Variants in TP53BP1 observed in about 807,000 individuals in gnomAD.
TP53BP1 encodes tumor protein p53 binding protein 1, also known as TP53-binding protein 1.
A neutral mutation model predicts 200.8 loss-of-function variants in TP53BP1; 61 were observed. The ratio of observed to expected loss-of-function variants is 0.30; its 90% confidence interval spans 0.25 to 0.38. The LOEUF (loss-of-function observed/expected upper bound fraction) is 0.38. Among genes scored for constraint, TP53BP1 ranks in the 10% least tolerant of loss-of-function variants. The pLI, the probability that TP53BP1 is intolerant of heterozygous loss-of-function variation, is 1.00. For missense variants in TP53BP1, 2,144 were observed against 2,371.9 expected (o/e 0.90, Z 2.00); for synonymous variants, 822 against 844.3 (o/e 0.97, Z 0.46).
intron 21 of TP53BP1, 59 bp downstream of exon 21, chr15:43,420,246 C>T (rs918497005): frequency 6.8e-7 from 1 of 1,472,356 alleles, no homozygotes; most frequent in African/African-American, 1.4e-5. Context: ...ACTAACATAA[C>T]AGAGTATTAT....
chr15:43,411,187 C>G (rs116316094), intron 24 of TP53BP1, among the ~76,000 whole-genome samples: 1 of 152,168 alleles, frequency 6.6e-6, no homozygotes, highest in Non-Finnish European at 1.5e-5. Context: ...ATTACCCTGT[C>G]TAGGCAGTGT....
chr15:43,444,904 C>A (rs996860126), intron 14 of TP53BP1, among the ~76,000 whole-genome samples: 1 of 152,094 alleles, frequency 6.6e-6, no homozygotes, highest in Admixed American at 6.6e-5. Context: ...CTTCCTTAAC[C>A]CATTTATGCT....
chr15:43,457,134 C>A lies in TP53BP1; in HGVS notation c.1474G>T (p.Val492Phe). Reference sequence around the variant, plus strand: ...ATCTCTGAAGTTTTAGAACACTCAACTGTCAAAGATGAACTATGCATATCT... The same window carrying A: ...ATCTCTGAAGTTTTAGAACACTCAAATGTCAAAGATGAACTATGCATATCT... Reference protein sequence around the residue: ...DGDMHSSSLTVECSKTSEIEP... With the variant: ...DGDMHSSSLTFECSKTSEIEP... The change falls in exon 12 of 28, where the codon GTT (valine) becomes TTT (phenylalanine). Residue 492 changes from valine (V) to phenylalanine (F), a missense_variant. Transcript: ENST00000382044. 6.2e-7 allele frequency: 1 copy of A among 1,614,080 alleles called. No homozygotes were observed. Among genetic ancestry groups the A allele is most frequent in the Non-Finnish European group, 8.5e-7 (1 of 1,179,942 alleles).
chr15:43,410,774 CGTT>C (rs1365297926), intron 24 of TP53BP1, among the ~76,000 whole-genome samples: 4 of 152,156 alleles, frequency 2.6e-5, no homozygotes, highest in Non-Finnish European at 5.9e-5. Flanking sequence ...TCAGTGCCCT[CGTT>C]GTCTGCTGGA....
Position 43,426,315 on chromosome 15 carries a change from C to G in TP53BP1, c.3828+1701G>C, listed in dbSNP as rs576955043. Among the ~76,000 whole-genome samples the G allele has an allele frequency of 1.5e-4, 22 of 151,100 alleles. No individual in the cohort carries two copies. The South Asian group carries it at 4.0e-3, about 27-fold the overall frequency. On this transcript the variant is annotated intron_variant, in intron 18 of 27. Coordinates refer to ENST00000382044, the MANE Select transcript of TP53BP1 (RefSeq NM_001141980.3). ...ATTAGCTGGGCATGGTGGCACACAC[C>G]TATAATCCCAGCTACTCAGGAGGCT...
chr15:43,446,937 T>G (rs1392898434), intron 13 of TP53BP1: 1 of 607,122 alleles, frequency 1.6e-6, no homozygotes, highest in Non-Finnish European at 2.9e-6. Context: ...AATAGGTTAA[T>G]GTAGAAGACT....
chr15:43,416,170 C>T, intron 22 of TP53BP1, 55 bp downstream of exon 22: 1 of 1,483,328 alleles, frequency 6.7e-7, no homozygotes. Context: ...AATCTCCTCC[C>T]ACTGTAAGCA....
chr15:43,506,811 T>G (rs143136876), intron 1 of TP53BP1, among the ~76,000 whole-genome samples: 1 of 152,188 alleles, frequency 6.6e-6, no homozygotes, highest in Non-Finnish European at 1.5e-5. Context: ...AGGAGAATAG[T>G]GTCTGGAGAC....
In TP53BP1 at chr15:43,410,310, G is replaced by T. The variant is rs45596532; in HGVS notation, c.5306-569C>A. ...TGGTTTTAAAATTTTAACTGATTAAGTGAAGGTTAGAAAATCCTGTTTCAA... is the reference window on the plus strand; with the variant it reads ...TGGTTTTAAAATTTTAACTGATTAATTGAAGGTTAGAAAATCCTGTTTCAA... On this transcript the variant is annotated intron_variant, in intron 24 of 27. Coordinates refer to ENST00000382044, the MANE Select transcript of TP53BP1 (RefSeq NM_001141980.3). 3.3e-5 allele frequency among the ~76,000 whole-genome samples: 5 copies of T among 152,264 alleles called. No homozygotes were observed. The East Asian group carries it at 9.6e-4, about 29-fold the overall frequency.
At chr15:43,450,610 T>C (rs904926696) in intron 12 of TP53BP1, among the ~76,000 whole-genome samples, 1 of 152,236 alleles carries the variant, frequency 6.6e-6, no homozygotes, top group African/African-American at 2.4e-5. Context: ...ATTTGTTCTG[T>C]GTTGAACAAG....
chr15:43,478,179 G>C (rs891236794), intron 7 of TP53BP1, among the ~76,000 whole-genome samples: 20 of 152,126 alleles, frequency 1.3e-4, no homozygotes, highest in Non-Finnish European at 1.9e-4. Flanking sequence ...CTCCTTACTA[G>C]TGCCACACAC....
intron 21 of TP53BP1, among the ~76,000 whole-genome samples, chr15:43,418,970 A>C (rs1173026060): frequency 6.6e-6 from 1 of 152,222 alleles, no homozygotes; most frequent in African/African-American, 2.4e-5. Flanking sequence ...CTGCAAACCC[A>C]GCATTTTGGG....
intron 16 of TP53BP1, among the ~76,000 whole-genome samples, chr15:43,437,376 T>G (rs927732818): frequency 6.6e-6 from 1 of 152,176 alleles, no homozygotes; most frequent in East Asian, 1.9e-4. Context: ...CTCACACTTG[T>G]ATTCCTAACA....
intron 4 of TP53BP1, among the ~76,000 whole-genome samples, chr15:43,488,340 G>A (rs2079074394): frequency 6.6e-6 from 1 of 151,668 alleles, no homozygotes; most frequent in Non-Finnish European, 1.5e-5. Flanking sequence ...CAGACTGTAT[G>A]ATCCCATTTT....
chr15:43,493,322 C>T (rs777338600), upstream of TP53BP1, among the ~76,000 whole-genome samples: 6 of 152,178 alleles, frequency 3.9e-5, no homozygotes, highest in Admixed American at 6.5e-5. Flanking sequence ...GTTGCAGGCC[C>T]TCCCCTTTAG....
intron 1 of TP53BP1, among the ~76,000 whole-genome samples, chr15:43,507,446 T>C (rs2079243368): frequency 6.6e-6 from 1 of 152,204 alleles, no homozygotes; most frequent in Admixed American, 6.5e-5. Flanking sequence ...GTCCAATTCT[T>C]TGTTCAATAT....
intron 4 of TP53BP1, among the ~76,000 whole-genome samples, chr15:43,490,925 C>A (rs957034784): frequency 3.3e-5 from 5 of 151,678 alleles, no homozygotes; most frequent in African/African-American, 9.7e-5. Flanking sequence ...AGCATGAACT[C>A]AAAAAATGGG....
In TP53BP1 at chr15:43,405,309, T is replaced by G. The variant is rs2044832817; in HGVS notation, c.*2074A>C. 1 of 1,439,830 alleles carries G rather than the reference T, an allele frequency of 6.9e-7. No individual in the cohort carries two copies. The allele number at this position is 1,439,830 out of a possible 1,614,324, so 89.2% of individuals were successfully genotyped here. ...CATTCTAGCCACACACAAATAAATA[T>G]CTGCGGCTTAGTGATAGGACTCTAC... On this transcript the variant is annotated 3_prime_UTR_variant, in exon 28 of 28. Coordinates refer to ENST00000382044, the MANE Select transcript of TP53BP1 (RefSeq NM_001141980.3).
At chr15:43,496,694 G>A (rs1446354230), upstream of TP53BP1, among the ~76,000 whole-genome samples, 2 of 147,114 alleles carry the variant, frequency 1.4e-5, no homozygotes, top group East Asian at 2.0e-4. Flanking sequence ...TGTGATCTCC[G>A]CTTACGGCAA....
Sources: allele counts gnomAD v4.1 joint callset (sites outside exome capture counted in the v4.1 genomes callset), GRCh38; gene constraint gnomAD v4.1.1; transcripts MANE v1.5; gene names NCBI Gene and HGNC (gene_info 2026-07-23, HGNC 2026-07-21).